Variants in SGCD observed in about 807,000 individuals in gnomAD.
SGCD encodes the protein delta-sarcoglycan.
Under a neutral mutation model 36.6 loss-of-function variants are expected in SGCD, and 18 were observed. The ratio of observed to expected loss-of-function variants is 0.49; its 90% CI spans 0.34 to 0.73. The LOEUF is 0.73. SGCD is among the 30% of genes least tolerant of loss of function. SGCD has a pLI of 0.01. For missense variants in SGCD, 387 were observed against 346.7 expected (o/e 1.12, Z -0.92); for synonymous variants, 133 against 130.6 (o/e 1.02, Z -0.12).
At chr5:155,974,296 T>G (rs1758064996) in intron 1 of SGCD, among the ~76,000 whole-genome samples, 1 of 152,038 alleles carries the variant, frequency 6.6e-6, no homozygotes, top group Admixed American at 6.5e-5. Flanking sequence ...CATCAAATAT[T>G]AGTAATAATG....
At chr5:155,894,882 C>CT (rs912757562) in intron 1 of SGCD, among the ~76,000 whole-genome samples, 18 of 152,066 alleles carry the variant, frequency 1.2e-4, no homozygotes, top group Non-Finnish European at 1.8e-4. Context: ...ATAAAGTACA[C>CT]GATAAACGTA....
upstream of SGCD, among the ~76,000 whole-genome samples, chr5:155,868,983 C>T (rs918568676): frequency 3.9e-5 from 6 of 152,106 alleles, no homozygotes; most frequent in Admixed American, 1.3e-4. Flanking sequence ...GCTGGGAATT[C>T]TAGGCTAGTG....
intron 3 of SGCD, among the ~76,000 whole-genome samples, chr5:156,468,780 TCAGGAGCTC>T (rs2127825316): frequency 1.3e-5 from 2 of 152,194 alleles, no homozygotes; most frequent in Non-Finnish European, 2.9e-5. Flanking sequence ...TCACTTGAGG[TCAGGAGCTC>T]CAGACTAGCC....
At chr5:155,860,038 G>A in the SGCD span, among the ~76,000 whole-genome samples, 1 of 152,204 alleles carries the variant, frequency 6.6e-6, no homozygotes, top group Non-Finnish European at 1.5e-5. Context: ...CTCTCCTGCT[G>A]TAAATACAGT....
chr5:156,307,978 A>G (rs959339557), intron 3 of SGCD, among the ~76,000 whole-genome samples: 1 of 152,154 alleles, frequency 6.6e-6, no homozygotes, highest in Non-Finnish European at 1.5e-5. Context: ...AAAAAAATAT[A>G]TTATTTTCCT....
chr5:156,224,207 A>G (rs1267486611), intron 3 of SGCD, among the ~76,000 whole-genome samples: 2 of 152,014 alleles, frequency 1.3e-5, no homozygotes, highest in African/African-American at 4.8e-5. Context: ...GACCATGGTT[A>G]CACGGTCAAT....
intron 3 of SGCD, among the ~76,000 whole-genome samples, chr5:156,234,047 C>T (rs1332139082): frequency 2.0e-5 from 3 of 152,198 alleles, no homozygotes; most frequent in Non-Finnish European, 2.9e-5. Flanking sequence ...ACATCCTTGT[C>T]AGCATTTGGT....
chr5:156,551,530 A>G (rs1385991247), intron 4 of SGCD, among the ~76,000 whole-genome samples: 1 of 152,060 alleles, frequency 6.6e-6, no homozygotes, highest in Non-Finnish European at 1.5e-5. Context: ...AGGGGAGTGT[A>G]TCTTTAATGC....
chr5:156,408,344 G>A (rs932961478), intron 3 of SGCD, among the ~76,000 whole-genome samples: 3 of 151,010 alleles, frequency 2.0e-5, no homozygotes, highest in Non-Finnish European at 2.9e-5. Context: ...CTCCTGTGGA[G>A]GAACCCAAGT....
chr5:156,145,541 C>A (rs948152528), intron 3 of SGCD, among the ~76,000 whole-genome samples: 3 of 151,980 alleles, frequency 2.0e-5, no homozygotes, highest in African/African-American at 7.2e-5. Flanking sequence ...TGAATCTATT[C>A]TTTGAAATTA....
intron 3 of SGCD, among the ~76,000 whole-genome samples, chr5:156,173,836 C>G (rs958371649): frequency 6.6e-6 from 1 of 151,772 alleles, no homozygotes; most frequent in African/African-American, 2.4e-5. Context: ...AAAAAAAACA[C>G]TGTATCTATA....
chr5:156,247,588 A>G (rs1348946698), intron 3 of SGCD, among the ~76,000 whole-genome samples: 4 of 152,192 alleles, frequency 2.6e-5, no homozygotes, highest in African/African-American at 9.6e-5. Flanking sequence ...GATGTGGGAG[A>G]TAAATATAGC....
the SGCD span, among the ~76,000 whole-genome samples, chr5:155,854,564 T>A: frequency 6.6e-6 from 1 of 152,198 alleles, no homozygotes; most frequent in South Asian, 2.1e-4. Context: ...TTATGCTGAT[T>A]CAACTTGTTG....
At chr5:156,283,759 C>T (rs970024355) in intron 3 of SGCD, among the ~76,000 whole-genome samples, 2 of 152,042 alleles carry the variant, frequency 1.3e-5, no homozygotes, top group African/African-American at 2.4e-5. Flanking sequence ...GGGGTTATGC[C>T]CAAGAATTTT....
At chr5:155,976,631 G>A (rs1561669644) in intron 1 of SGCD, among the ~76,000 whole-genome samples, 1 of 152,204 alleles carries the variant, frequency 6.6e-6, no homozygotes, top group Non-Finnish European at 1.5e-5. Flanking sequence ...CACAGGGAGA[G>A]CGTGTGTTGT....
chr5:156,138,690 C>T (rs569526958), intron 3 of SGCD, among the ~76,000 whole-genome samples: 1 of 152,278 alleles, frequency 6.6e-6, no homozygotes, highest in Non-Finnish European at 1.5e-5. Flanking sequence ...CATAAGTTTT[C>T]ACTTCTTTTG....
chr5:155,817,435 T>C, the SGCD span, among the ~76,000 whole-genome samples: 102 of 151,994 alleles, frequency 6.7e-4, 1 homozygote, highest in South Asian at 4.6e-3. Flanking sequence ...TAGGTTTAAT[T>C]ACTAGAAATG....
chr5:156,430,441 G>A (rs1773886906), intron 3 of SGCD, among the ~76,000 whole-genome samples: 1 of 151,394 alleles, frequency 6.6e-6, no homozygotes, highest in African/African-American at 2.4e-5. Context: ...CCTTTCTCTG[G>A]TATCTCCTTG....
intron 3 of SGCD, among the ~76,000 whole-genome samples, chr5:156,228,460 C>T (rs1395900130): frequency 6.6e-6 from 1 of 152,018 alleles, no homozygotes; most frequent in Admixed American, 6.6e-5. Context: ...GAATAGCTAC[C>T]CCTGCTTGCT....
Sources: gnomAD v4.1 joint callset for allele counts (sites outside exome capture counted in the v4.1 genomes callset) on GRCh38, gnomAD v4.1.1 for gene constraint, MANE v1.5 for transcripts, NCBI Gene and HGNC (gene_info 2026-07-23, HGNC 2026-07-21) for gene names.